SLC12A4: variants seen among roughly 807,000 people sequenced by gnomAD.
The protein encoded by SLC12A4 is solute carrier family 12 member 4, also known as electroneutral potassium-chloride cotransporter 1.
SLC12A4 carries 84 observed loss-of-function variants against 119.2 expected under a neutral mutation model. That is an observed-to-expected ratio of 0.70 (90% CI 0.59 to 0.85). The LOEUF is 0.85. Among genes scored for constraint, SLC12A4 ranks in the 40% least tolerant of loss-of-function variants. The probability of loss-of-function intolerance (pLI) is 0.00; values close to 1 mark genes in which losing one functional copy is unlikely to be tolerated. For missense variants in SLC12A4, 1,298 were observed against 1,476.3 expected (o/e 0.88, Z 1.98); for synonymous variants, 599 against 604.6 (o/e 0.99, Z 0.14).
chr16:67,966,813 G>A, intron 1 of SLC12A4: 1 of 1,550,818 alleles, frequency 6.4e-7, no homozygotes, highest in Non-Finnish European at 8.7e-7. Flanking sequence ...AGGAGTAAGA[G>A]GAGGAGAAAG....
intron 21 of SLC12A4, 72 bp downstream of exon 21, chr16:67,945,692 G>C (rs889254418): frequency 1.3e-6 from 2 of 1,517,966 alleles, no homozygotes; most frequent in East Asian, 2.3e-5. Flanking sequence ...TGATTCCTCC[G>C]CACCCACCGA....
At chr16:67,957,457 C>T in intron 5 of SLC12A4, 1 of 382,516 alleles carries the variant, frequency 2.6e-6, no homozygotes, top group Non-Finnish European at 4.9e-6. Flanking sequence ...GCATGAGCCA[C>T]CGCGCCTGGC....
chr16:67,948,358 G>A (rs1319234139), intron 13 of SLC12A4, among the ~76,000 whole-genome samples, 199 bp from the exon 14 acceptor site: 3 of 152,244 alleles, frequency 2.0e-5, no homozygotes, highest in Non-Finnish European at 4.4e-5. Flanking sequence ...GAGCCAGATC[G>A]CAGAGGATGG....
In SLC12A4 at chr16:67,943,988, G is replaced by C; in HGVS notation, c.*852C>G. 1 of 1,548,680 alleles carries C rather than the reference G, an allele frequency of 6.5e-7. No homozygotes were observed. Among genetic ancestry groups the C allele is most frequent in the Non-Finnish European group, 8.7e-7 (1 of 1,145,850 alleles). ...GTGTGTGGTTACTGAGCTCAGCCTTGGGCGTGGTGTGCGGGGGGAAGAGCA... is the reference window on the plus strand; with the variant it reads ...GTGTGTGGTTACTGAGCTCAGCCTTCGGCGTGGTGTGCGGGGGGAAGAGCA... On this transcript the variant is annotated 3_prime_UTR_variant, in exon 24 of 24. Transcript: ENST00000316341. The surrounding 1 kb of genome is among the most constrained non-coding windows in gnomAD (Gnocchi z 4.6).
At chr16:67,963,991 G>C in intron 1 of SLC12A4, 1 of 1,551,396 alleles carries the variant, frequency 6.4e-7, no homozygotes, top group Non-Finnish European at 8.7e-7. Context: ...GTGCCCTCCA[G>C]ATAGACGAAG....
chr16:67,963,922 C>G, intron 1 of SLC12A4: 1 of 1,551,378 alleles, frequency 6.4e-7, no homozygotes, highest in Non-Finnish European at 8.7e-7. Flanking sequence ...CCCGGTCTTT[C>G]CGGAGTACCC....
intron 5 of SLC12A4, among the ~76,000 whole-genome samples, chr16:67,956,923 G>A (rs1012482858): frequency 2.6e-5 from 4 of 151,900 alleles, no homozygotes; most frequent in African/African-American, 9.7e-5. Flanking sequence ...ACCAAAAGGC[G>A]AACAGTAGTG....
intron 1 of SLC12A4, chr16:67,966,896 G>A: frequency 6.7e-7 from 1 of 1,487,914 alleles, no homozygotes; most frequent in Non-Finnish European, 9.0e-7. Flanking sequence ...GTAGCTCCAG[G>A]TCCCTCCAGT....
chr16:67,950,927 TCTGCCCCAC>T lies in SLC12A4; in HGVS notation c.1396+26_1396+34del. 1 of 1,604,952 alleles carries T rather than the reference TCTGCCCCAC, an allele frequency of 6.2e-7. No homozygotes were observed. The highest frequency in any genetic ancestry group is 8.5e-7 in the Non-Finnish European group (1 of 1,172,718). ...TACACAGGCCAAGCGCTTCCCGTCC[TCTGCCCCAC>T]CTGCCCCAGGCCTGGGAAAGGATAC... On this transcript the variant is annotated intron_variant, in intron 10 of 23. Transcript: ENST00000316341. The surrounding 1 kb of genome is among the most constrained non-coding windows in gnomAD (Gnocchi z 4.3).
At chr16:67,958,833 T>C (rs2030413323) in intron 3 of SLC12A4, among the ~76,000 whole-genome samples, 1 of 152,146 alleles carries the variant, frequency 6.6e-6, no homozygotes, top group African/African-American at 2.4e-5. Context: ...TCAGTGAAAC[T>C]GTTACCTCTC....
At chr16:67,967,273 G>A (rs2030908338) in intron 1 of SLC12A4, among the ~76,000 whole-genome samples, 1 of 152,188 alleles carries the variant, frequency 6.6e-6, no homozygotes, top group Non-Finnish European at 1.5e-5. Context: ...ATCACAGATG[G>A]ATCAGAGGTC....
Position 67,963,848 on chromosome 16 carries a change from C to T in SLC12A4, c.116-289G>A, listed in dbSNP as rs2030718721. 5 of 1,516,724 alleles carry T rather than the reference C, an allele frequency of 3.3e-6. No individual in the cohort carries two copies. In the Admixed American group the frequency reaches 8.0e-5, roughly 24 times the overall value. The allele number at this position is 1,516,724 out of a possible 1,614,324, so 94.0% of individuals were successfully genotyped here. ...CACGTATGGACACTGAGGGACGGGG[C>T]CTGCAGAGGGGCGGGGCCAGCGTTT... On this transcript the variant is annotated intron_variant, in intron 1 of 23. Coordinates refer to ENST00000316341, the MANE Select transcript of SLC12A4 (RefSeq NM_005072.5).
In SLC12A4 at chr16:67,945,535, G is replaced by C; in HGVS notation, c.2866C>G (p.Arg956Gly). The change falls in exon 22 of 24, where the codon CGG (arginine) becomes GGG (glycine). Residue 956 changes from arginine to glycine, a missense_variant. Transcript: ENST00000316341. Reference sequence around the variant, plus strand: ...CTCTCCAGCCGCAGGGCCGAGTGCCGATCCTTGACCAGCTGGGCCTGAGGA... The same window carrying C: ...CTCTCCAGCCGCAGGGCCGAGTGCCCATCCTTGACCAGCTGGGCCTGAGGA... ...REREAQLVKD[R>G]HSALRLESLY... 6.2e-7 allele frequency: 1 copy of C among 1,613,532 alleles called. No homozygotes were observed.
chr16:67,951,082 C>T lies in SLC12A4; in HGVS notation c.1298-22G>A. The T allele has an allele frequency of 6.2e-7, 1 of 1,613,926 alleles. No individual in the cohort carries two copies. Among genetic ancestry groups the T allele is most frequent in the South Asian group, 1.1e-5 (1 of 91,078 alleles). On this transcript the variant is annotated intron_variant, in intron 9 of 23. Transcript: ENST00000316341. This position sits in a 1 kb window ranked among gnomAD's most constrained non-coding sequence, Gnocchi z 5.2. ...ATGCCTCCAAAAACAGATGAGACTCCCTCAGGGGCTCCCCGGGATTGGGGA... is the reference window on the plus strand; with the variant it reads ...ATGCCTCCAAAAACAGATGAGACTCTCTCAGGGGCTCCCCGGGATTGGGGA...
intron 5 of SLC12A4, among the ~76,000 whole-genome samples, chr16:67,956,147 A>G (rs1283316045): frequency 6.6e-6 from 1 of 152,170 alleles, no homozygotes; most frequent in Non-Finnish European, 1.5e-5. Context: ...ACTGCACTCC[A>G]GCCTGGGCGA....
chr16:67,952,510 C>G (rs2029982234), intron 6 of SLC12A4, 85 bp from the exon 7 acceptor site: 1 of 1,495,928 alleles, frequency 6.7e-7, no homozygotes, highest in Non-Finnish European at 9.3e-7. Flanking sequence ...TTACGAGTAC[C>G]TAAAAGAGGC....
intron 5 of SLC12A4, 180 bp downstream of exon 5, chr16:67,957,562 G>T: frequency 1.6e-6 from 1 of 635,626 alleles, no homozygotes; most frequent in South Asian, 2.1e-5. Flanking sequence ...AAACCACAAT[G>T]GCACTCTCCA....
Position 67,951,786 on chromosome 16 carries a change from T to C in SLC12A4, c.1132+37A>G. On this transcript the variant is annotated intron_variant, in intron 8 of 23. Transcript: ENST00000316341. The surrounding 1 kb of genome is among the most constrained non-coding windows in gnomAD (Gnocchi z 5.2). ...GTGCTCTGTGCCCCTGCTCAGCCTG[T>C]GGGCTCAAGAGCAAGACGACGGGAG... 1 of 1,550,154 alleles carries C rather than the reference T, an allele frequency of 6.5e-7. No homozygotes were observed. The highest frequency in any genetic ancestry group is 8.8e-7 in the Non-Finnish European group (1 of 1,136,246).
At chr16:67,959,093 G>A (rs16957653) in intron 3 of SLC12A4, among the ~76,000 whole-genome samples, 8,334 of 152,168 alleles carry the variant, frequency 0.055, 662 homozygotes, top group African/African-American at 0.18. Flanking sequence ...CATCCTGTTG[G>A]GAAAATCCTA....
Sources: gnomAD v4.1 joint callset for allele counts (sites outside exome capture counted in the v4.1 genomes callset) on GRCh38, gnomAD v4.1.1 for gene constraint, Gnocchi (gnomAD v3.1) non-coding constraint, MANE v1.5 for transcripts, NCBI Gene and HGNC (gene_info 2026-07-23, HGNC 2026-07-21) for gene names.